The following BTBD9 variants were observed in gnomAD, a reference collection of about 807,000 sequenced individuals.
BTBD9 encodes BTB/POZ domain-containing protein 9.
BTBD9 carries 49 observed loss-of-function variants against 64.3 expected under a neutral mutation model. The ratio of observed to expected loss-of-function variants is 0.76; its 90% CI spans 0.61 to 0.97. BTBD9 has a LOEUF of 0.97. Among genes scored for constraint, BTBD9 ranks in the 50% least tolerant of loss-of-function variants. BTBD9 has a pLI of 0.00. For missense variants in BTBD9, 598 were observed against 762.1 expected (o/e 0.78, Z 2.53); for synonymous variants, 260 against 274.7 (o/e 0.95, Z 0.53).
intron 7 of BTBD9, among the ~76,000 whole-genome samples, chr6:38,332,255 T>A (rs1763704246): frequency 6.6e-6 from 1 of 152,236 alleles, no homozygotes; most frequent in Admixed American, 6.5e-5. Flanking sequence ...TGAGATAAGA[T>A]AAATACGTAT....
rs905090328 is a variant in BTBD9, at chr6:38,614,912, T to C, written c.-27-16791A>G. On this transcript the variant is annotated intron_variant, in intron 1 of 10. Transcript: ENST00000481247. ...ACTTGAGTATAAACCATTTCCCTCA[T>C]CCTTTCCCTCCAGAACTCCTGTCCC... is the stretch of plus-strand genomic sequence containing the variant. 2.6e-5 allele frequency among the ~76,000 whole-genome samples: 4 copies of C among 152,178 alleles called. No individual in the cohort carries two copies. In the South Asian group the frequency reaches 8.3e-4, roughly 32 times the overall value.
At chr6:38,207,274 G>GCAT (rs1762688624) in intron 9 of BTBD9, 1 of 238,008 alleles carries the variant, frequency 4.2e-6, no homozygotes, top group Non-Finnish European at 9.0e-6. Flanking sequence ...AAGAAAATGG[G>GCAT]GTCAATGATG....
At chr6:38,589,975 A>T (rs1666050040) in intron 4 of BTBD9, among the ~76,000 whole-genome samples, 1 of 152,168 alleles carries the variant, frequency 6.6e-6, no homozygotes, top group African/African-American at 2.4e-5. Flanking sequence ...ATACTCTAGC[A>T]GCTCAGGTTT....
intron 1 of BTBD9, among the ~76,000 whole-genome samples, chr6:38,617,158 G>T (rs145381980): frequency 6.6e-6 from 1 of 152,046 alleles, no homozygotes; most frequent in Admixed American, 6.6e-5. Context: ...TTGCCTCTTC[G>T]GAGTCGGGAG....
Position 38,311,920 on chromosome 6 carries a change from G to A in BTBD9, c.1265-23459C>T, listed in dbSNP as rs572977084. Among the ~76,000 whole-genome samples the A allele has an allele frequency of 2.6e-5, 4 of 151,964 alleles. No individual in the cohort carries two copies. The East Asian group carries it at 7.7e-4, about 29-fold the overall frequency. The stretch of plus-strand genomic sequence containing the variant: ...TCTGTCGCCCAGGCTGGAGTGCGGT[G>A]GCGCGATCTCGACTCACTGGAACCT... On this transcript the variant is annotated intron_variant, in intron 7 of 10. Transcript: ENST00000481247.
chr6:38,532,903 T>C (rs1244498652), intron 6 of BTBD9, among the ~76,000 whole-genome samples: 3 of 151,696 alleles, frequency 2.0e-5, no homozygotes, highest in African/African-American at 4.8e-5. Flanking sequence ...GACTTTGTCT[T>C]GCACTTAAGT....
chr6:38,549,738 G>A (rs1216427806), intron 6 of BTBD9, among the ~76,000 whole-genome samples: 2 of 152,118 alleles, frequency 1.3e-5, no homozygotes, highest in Non-Finnish European at 2.9e-5. Flanking sequence ...TCTCAAAATA[G>A]TTGTCTATAC....
At chr6:38,560,245 G>A (rs1230078298) in intron 6 of BTBD9, among the ~76,000 whole-genome samples, 1 of 152,094 alleles carries the variant, frequency 6.6e-6, no homozygotes, top group Non-Finnish European at 1.5e-5. Flanking sequence ...CCATTAAAAA[G>A]TGGGCAAAGG....
intron 10 of BTBD9, among the ~76,000 whole-genome samples, chr6:38,186,878 T>C (rs1761841821): frequency 1.3e-5 from 2 of 152,180 alleles, no homozygotes; most frequent in African/African-American, 2.4e-5. Context: ...TCAAGACTGC[T>C]TGTGGGCCCC....
intron 6 of BTBD9, among the ~76,000 whole-genome samples, chr6:38,498,788 C>A (rs1435253258): frequency 6.6e-6 from 1 of 152,156 alleles, no homozygotes; most frequent in African/African-American, 2.4e-5. Context: ...GGTAACCCCC[C>A]ACGCCCCACC....
At chr6:38,412,006 T>C (rs748016937) in intron 6 of BTBD9, among the ~76,000 whole-genome samples, 2 of 152,044 alleles carry the variant, frequency 1.3e-5, no homozygotes, top group Non-Finnish European at 2.9e-5. Context: ...CACATATATA[T>C]AAAATAAAAT....
chr6:38,290,015 A>G (rs1761896055), intron 7 of BTBD9, among the ~76,000 whole-genome samples: 1 of 152,146 alleles, frequency 6.6e-6, no homozygotes, highest in African/African-American at 2.4e-5. Flanking sequence ...TAGATTGGAA[A>G]AGAAAAAAGT....
At chr6:38,370,278 G>C (rs753507025) in intron 6 of BTBD9, among the ~76,000 whole-genome samples, 2 of 152,238 alleles carry the variant, frequency 1.3e-5, no homozygotes, top group Non-Finnish European at 2.9e-5. Context: ...GTAAATGGTA[G>C]GGCAATCATA....
In BTBD9 at chr6:38,175,905, G is replaced by A. The variant is rs114708335; in HGVS notation, c.1642-723C>T. Among the ~76,000 whole-genome samples, 273 of 152,320 alleles carry A rather than the reference G, an allele frequency of 1.8e-3. 2 individuals carry two copies. The highest frequency in any genetic ancestry group is 6.2e-3 in the African/African-American group (256 of 41,564). On this transcript the variant is annotated intron_variant, in intron 10 of 10. Coordinates refer to ENST00000481247, the MANE Select transcript of BTBD9 (RefSeq NM_001099272.2). ...TGGCTCCAGCCAGCCTGGAACAAAC[G>A]CCCCCAATGTGTAGAAGCCAGCCAC...
chr6:38,587,799 G>T, intron 4 of BTBD9: 1 of 713,336 alleles, frequency 1.4e-6, no homozygotes. Context: ...CTGGAAAACA[G>T]TCTACTCAGG....
At chr6:38,345,864 C>T (rs1764258691) in intron 6 of BTBD9, among the ~76,000 whole-genome samples, 1 of 152,210 alleles carries the variant, frequency 6.6e-6, no homozygotes. Context: ...GACAAACAAG[C>T]ATTAACCTTG....
chr6:38,473,554 C>T (rs920538477), intron 6 of BTBD9, among the ~76,000 whole-genome samples: 1 of 152,162 alleles, frequency 6.6e-6, no homozygotes, highest in East Asian at 1.9e-4. Flanking sequence ...CTGCTCTTAT[C>T]GGTAGAACCA....
At chr6:38,313,900 C>T (rs984183474) in intron 7 of BTBD9, among the ~76,000 whole-genome samples, 1 of 151,650 alleles carries the variant, frequency 6.6e-6, no homozygotes, top group African/African-American at 2.4e-5. Flanking sequence ...CGGGTGCATA[C>T]CCCCACATCC....
intron 1 of BTBD9, chr6:38,612,729 CTT>C (rs2127514326): frequency 6.6e-6 from 1 of 152,324 alleles, no homozygotes; most frequent in Non-Finnish European, 1.5e-5. Flanking sequence ...AGGACAAACT[CTT>C]TTCCATTCTC....
Sources: gnomAD v4.1 joint callset for allele counts (sites outside exome capture counted in the v4.1 genomes callset) on GRCh38, gnomAD v4.1.1 for gene constraint, MANE v1.5 for transcripts, NCBI Gene and HGNC (gene_info 2026-07-23, HGNC 2026-07-21) for gene names.